The following FUNDC1 variants were observed in gnomAD, a reference collection of about 807,000 sequenced individuals.
FUNDC1 encodes FUN14 domain-containing protein 1.
In FUNDC1, 10 loss-of-function variants were observed where a neutral mutation model predicts 14.5. That is an observed-to-expected ratio of 0.69 (90% CI 0.43 to 1.17). The LOEUF (loss-of-function observed/expected upper bound fraction) is 1.17. Among genes scored for constraint, FUNDC1 ranks in the 50% most tolerant of loss-of-function variants. The pLI is 0.00. For missense variants in FUNDC1, 115 were observed against 113.8 expected (o/e 1.01, Z -0.05); for synonymous variants, 33 against 39.7 (o/e 0.83, Z 0.64).
At chrX:44,527,856 T>C (rs1371658612) in intron 3 of FUNDC1, among the ~76,000 whole-genome samples, 1 of 112,127 alleles carries the variant, frequency 8.9e-6, no homozygotes, top group Non-Finnish European at 1.9e-5. Flanking sequence ...ACTAAAGAAA[T>C]TTAAGTAGCC....
intron 3 of FUNDC1, among the ~76,000 whole-genome samples, chrX:44,532,215 T>C (rs2038928482): frequency 9.2e-6 from 1 of 109,034 alleles, no homozygotes; most frequent in African/African-American, 3.3e-5. Flanking sequence ...GCCAACATGG[T>C]GAAACCCCAT....
chrX:44,531,407 T>C (rs955714001), intron 3 of FUNDC1, among the ~76,000 whole-genome samples: 17 of 103,611 alleles, frequency 1.6e-4, no homozygotes, highest in African/African-American at 6.0e-4. Context: ...GCCAGAAAGC[T>C]CTAAACAGGT....
chrX:44,527,199 A>G (rs2038905985), intron 4 of FUNDC1, 38 bp downstream of exon 4: 3 of 246,451 alleles, frequency 1.2e-5, no homozygotes, highest in South Asian at 1.3e-4. Context: ...CAAAAAAAGG[A>G]AAAAAAAAAA....
rs1569187178 is a variant in FUNDC1 at position 44,531,318 on chromosome X, ACAC to A, written c.262-3956_262-3954del. ...AGATGAAGATTCATGTTGGCCAGACACACACACACACACACACACACACACACA... is the reference window on the plus strand; with the variant it reads ...AGATGAAGATTCATGTTGGCCAGACAACACACACACACACACACACACACA... On this transcript the variant is annotated intron_variant, in intron 3 of 4. Coordinates refer to ENST00000378045, the MANE Select transcript of FUNDC1 (RefSeq NM_173794.4). Among the ~76,000 whole-genome samples the A allele has an allele frequency of 2.5e-3, 64 of 26,110 alleles. 2 individuals carry two copies. Among genetic ancestry groups the A allele is most frequent in the Non-Finnish European group, 3.2e-3 (54 of 16,655 alleles). 22.7% of individuals were successfully genotyped at this position (26,110 alleles called of 115,157 possible).
At chrX:44,538,316 A>G (rs776547040) in intron 3 of FUNDC1, 151 bp downstream of exon 3, 1 of 459,468 alleles carries the variant, frequency 2.2e-6, no homozygotes. Flanking sequence ...GGATCAAACT[A>G]TGCTTAATAA....
chrX:44,541,764 C>T (rs2038972887), intron 2 of FUNDC1, among the ~76,000 whole-genome samples, 181 bp downstream of exon 2: 2 of 110,515 alleles, frequency 1.8e-5, no homozygotes, highest in African/African-American at 6.6e-5. Context: ...GGGAGGGGAT[C>T]GCCAAAACTC....
rs759799187 is a variant in FUNDC1 at position 44,524,143 on chromosome X, T to C, written c.*55A>G. 1.4e-5 allele frequency: 12 copies of C among 856,474 alleles called. No homozygotes were observed. In the African/African-American group the frequency reaches 2.4e-4, roughly 17 times the overall value. The allele number at this position is 856,474 out of a possible 1,213,427, so 70.6% of individuals were successfully genotyped here. On this transcript the variant is annotated 3_prime_UTR_variant, in exon 5 of 5. Transcript: ENST00000378045. ...GTATGACTTTTGAGAGACTGCCTTA[T>C]TGCTGCCACTTCTCTTCTCATAGTT...
chrX:44,542,748 C>G, intron 1 of FUNDC1, 57 bp downstream of exon 1: 1 of 1,104,578 alleles, frequency 9.1e-7, no homozygotes, highest in Admixed American at 2.7e-5. Context: ...GCCATAGGAG[C>G]AAGGTCGAGA....
intron 3 of FUNDC1, among the ~76,000 whole-genome samples, chrX:44,536,741 A>C (rs2038950758): frequency 9.0e-6 from 1 of 111,613 alleles, no homozygotes; most frequent in Non-Finnish European, 1.9e-5. Context: ...GGGATGGAAA[A>C]ATGGGGGTAG....
intron 3 of FUNDC1, among the ~76,000 whole-genome samples, chrX:44,528,096 C>T (rs1190652703): frequency 8.9e-6 from 1 of 111,874 alleles, no homozygotes; most frequent in Non-Finnish European, 1.9e-5. Flanking sequence ...AGTCCAGTAA[C>T]TCAGTGCCTC....
chrX:44,539,932 G>C (rs1459595790), intron 2 of FUNDC1, among the ~76,000 whole-genome samples: 1 of 111,001 alleles, frequency 9.0e-6, no homozygotes, highest in Non-Finnish European at 1.9e-5. Flanking sequence ...CTCCCAAAGT[G>C]CTGGGATTAC....
At chrX:44,542,398 A>C in intron 1 of FUNDC1, 1 of 360,372 alleles carries the variant, frequency 2.8e-6, no homozygotes, top group Non-Finnish European at 4.8e-6. Flanking sequence ...CCACCTCCAA[A>C]CCTTAGTAGG....
At chrX:44,538,867 C>T (rs948294117) in intron 2 of FUNDC1, among the ~76,000 whole-genome samples, 3 of 111,500 alleles carry the variant, frequency 2.7e-5, no homozygotes, top group African/African-American at 9.8e-5. Flanking sequence ...AAGCTGAAAC[C>T]TCCCGTAATA....
At chrX:44,531,315 GACACACACACACACACACACACACACAC>G (rs766982993) in intron 3 of FUNDC1, among the ~76,000 whole-genome samples, 4 of 18,882 alleles carry the variant, frequency 2.1e-4, no homozygotes, top group East Asian at 2.6e-3. Flanking sequence ...ATGTTGGCCA[GACACACACACACACACACACACACACAC>G]ACACACACAC....
intron 4 of FUNDC1, among the ~76,000 whole-genome samples, chrX:44,524,689 A>C (rs1369720357): frequency 8.9e-6 from 1 of 111,821 alleles, no homozygotes; most frequent in East Asian, 2.8e-4. Flanking sequence ...TCAATTCAAT[A>C]AATATTCAGC....
chrX:44,531,242 A>AT (rs1396323830), intron 3 of FUNDC1, among the ~76,000 whole-genome samples: 1,068 of 83,609 alleles, frequency 0.013, 124 homozygotes, highest in African/African-American at 0.059. Flanking sequence ...GACTGTTTCC[A>AT]GAAAAACACA....
chrX:44,531,313 CAG>C (rs2038923881), intron 3 of FUNDC1, among the ~76,000 whole-genome samples: 3 of 28,217 alleles, frequency 1.1e-4, no homozygotes, highest in Non-Finnish European at 4.9e-5. Context: ...TCATGTTGGC[CAG>C]ACACACACAC....
At chrX:44,530,516 G>A (rs960793754) in intron 3 of FUNDC1, among the ~76,000 whole-genome samples, 1 of 110,450 alleles carries the variant, frequency 9.1e-6, no homozygotes, top group South Asian at 3.9e-4. Context: ...TGAGGCAAAA[G>A]AATCACTGGA....
intron 3 of FUNDC1, among the ~76,000 whole-genome samples, chrX:44,530,377 A>C (rs761136933): frequency 1.3e-4 from 14 of 108,241 alleles, no homozygotes; most frequent in Non-Finnish European, 1.7e-4. Flanking sequence ...AGGCCGAGGC[A>C]GGCGGATTAC....
Sources: allele counts gnomAD v4.1 joint callset (sites outside exome capture counted in the v4.1 genomes callset), GRCh38; gene constraint gnomAD v4.1.1; transcripts MANE v1.5; gene names NCBI Gene and HGNC (gene_info 2026-07-23, HGNC 2026-07-21).